Variants in SLC71A2 observed in about 807,000 individuals in gnomAD.
SLC71A2 encodes the protein hippocampus abundant transcript-like 1.
the SLC71A2 span, among the ~76,000 whole-genome samples, chr9:94,437,557 C>G: frequency 6.6e-6 from 1 of 152,188 alleles, no homozygotes; most frequent in Non-Finnish European, 1.5e-5. Context: ...ACTCATCAGG[C>G]AGAGAGAACT....
the SLC71A2 span, chr9:94,375,031 T>G: frequency 2.8e-6 from 2 of 717,658 alleles, no homozygotes; most frequent in Non-Finnish European, 3.7e-6. Context: ...CTTCGGCTCT[T>G]GGAAAGTCGG....
chr9:94,449,519 G>T, the SLC71A2 span, among the ~76,000 whole-genome samples: 1 of 152,238 alleles, frequency 6.6e-6, no homozygotes, highest in Non-Finnish European at 1.5e-5. Context: ...TCAAGGACAT[G>T]CAAGTCACAC....
At chr9:94,419,148 C>A in the SLC71A2 span, among the ~76,000 whole-genome samples, 2 of 151,716 alleles carry the variant, frequency 1.3e-5, no homozygotes, top group African/African-American at 2.4e-5. Flanking sequence ...GGGTCTTGCC[C>A]TGTTGCCTAG....
chr9:94,414,488 C>T, the SLC71A2 span, among the ~76,000 whole-genome samples: 1 of 152,166 alleles, frequency 6.6e-6, no homozygotes, highest in East Asian at 1.9e-4. Flanking sequence ...ATACCCATCT[C>T]TCTTATTATG....
the SLC71A2 span, among the ~76,000 whole-genome samples, chr9:94,458,705 A>G: frequency 6.6e-6 from 1 of 152,228 alleles, no homozygotes; most frequent in Non-Finnish European, 1.5e-5. Context: ...CAATCACTAC[A>G]CTATTCTCTG....
chr9:94,406,250 T>C, the SLC71A2 span, among the ~76,000 whole-genome samples: 1 of 148,982 alleles, frequency 6.7e-6, no homozygotes, highest in Non-Finnish European at 1.5e-5. Context: ...TTGATTATTA[T>C]TATTTTTTGA....
At chr9:94,439,507 G>C in the SLC71A2 span, among the ~76,000 whole-genome samples, 1 of 150,052 alleles carries the variant, frequency 6.7e-6, no homozygotes, top group South Asian at 2.1e-4. Context: ...ACTTACATAT[G>C]GAAGTTTTGT....
chr9:94,427,102 A>G, the SLC71A2 span, among the ~76,000 whole-genome samples: 1 of 152,214 alleles, frequency 6.6e-6, no homozygotes, highest in Non-Finnish European at 1.5e-5. Flanking sequence ...CTTTATTCTG[A>G]TAACATTTGT....
chr9:94,446,912 A>G, the SLC71A2 span: 2 of 1,604,566 alleles, frequency 1.2e-6, no homozygotes, highest in Non-Finnish European at 1.7e-6. Context: ...GACAGTATTC[A>G]AGTTTTTTTC....
the SLC71A2 span, chr9:94,432,938 G>T: frequency 1.8e-5 from 7 of 388,486 alleles, no homozygotes; most frequent in South Asian, 1.5e-4. Context: ...TTGCATAAAG[G>T]CATAATCAGG....
chr9:94,460,466 A>AAGTTCC, the SLC71A2 span: 1 of 152,380 alleles, frequency 6.6e-6, no homozygotes, highest in Non-Finnish European at 1.5e-5. Flanking sequence ...TACGCACATT[A>AAGTTCC]AGTTCCTTTC....
At chr9:94,419,204 T>C in the SLC71A2 span, among the ~76,000 whole-genome samples, 7 of 151,952 alleles carry the variant, frequency 4.6e-5, no homozygotes, top group African/African-American at 1.7e-4. Flanking sequence ...ACCTCAAACT[T>C]CTGGGCTCAA....
the SLC71A2 span, chr9:94,453,958 A>AC: frequency 6.2e-7 from 1 of 1,606,258 alleles, no homozygotes. Context: ...TACTTTGCAG[A>AC]CGGCCTTTCT....
the SLC71A2 span, chr9:94,458,408 C>T: frequency 1.9e-6 from 3 of 1,614,014 alleles, no homozygotes; most frequent in Non-Finnish European, 2.5e-6. Flanking sequence ...CTACATGTTC[C>T]ATGTGGAACT....
At chr9:94,449,529 C>T in the SLC71A2 span, among the ~76,000 whole-genome samples, 1 of 152,204 alleles carries the variant, frequency 6.6e-6, no homozygotes, top group Non-Finnish European at 1.5e-5. Context: ...GCAAGTCACA[C>T]CAACAATGAG....
chr9:94,443,265 G>A, the SLC71A2 span, among the ~76,000 whole-genome samples: 1 of 152,018 alleles, frequency 6.6e-6, no homozygotes, highest in African/African-American at 2.4e-5. Flanking sequence ...AGACTGAGAC[G>A]GCACTTAGCT....
chr9:94,377,948 A>G, the SLC71A2 span, among the ~76,000 whole-genome samples: 2 of 152,138 alleles, frequency 1.3e-5, no homozygotes, highest in East Asian at 3.9e-4. Flanking sequence ...CTATAAAAAT[A>G]TAAAAGTTAG....
At chr9:94,381,838 CTAA>C in the SLC71A2 span, among the ~76,000 whole-genome samples, 2 of 152,108 alleles carry the variant, frequency 1.3e-5, no homozygotes, top group African/African-American at 4.8e-5. Flanking sequence ...AATTGCCAAA[CTAA>C]TTATTTTAAA....
At chr9:94,451,454 A>G in the SLC71A2 span, 3 of 1,490,988 alleles carry the variant, frequency 2.0e-6, no homozygotes, top group Non-Finnish European at 2.7e-6. Flanking sequence ...TCATTTCCAT[A>G]GGTCATAGGT....
Sources: gnomAD v4.1 joint callset for allele counts (sites outside exome capture counted in the v4.1 genomes callset) on GRCh38, gnomAD v4.1.1 for gene constraint, MANE v1.5 for transcripts, NCBI Gene and HGNC (gene_info 2026-07-23, HGNC 2026-07-21) for gene names.